PSMG2: variants seen among roughly 807,000 people sequenced by gnomAD.
PSMG2 encodes the protein CD40 ligand-activated specific transcript 3.
A neutral mutation model predicts 31.5 loss-of-function variants in PSMG2; 21 were observed. That is an observed-to-expected ratio of 0.67 (90% CI 0.47 to 0.96). The LOEUF (loss-of-function observed/expected upper bound fraction) is 0.96, where lower values mean the gene tolerates loss of function less well. PSMG2 is among the 40% of genes least tolerant of loss of function. The pLI is 0.00. For missense variants in PSMG2, 318 were observed against 321.2 expected (o/e 0.99, Z 0.08); for synonymous variants, 120 against 110.4 (o/e 1.09, Z -0.54).
intron 1 of PSMG2, chr18:12,672,758 A>G (rs2038980420): frequency 1.0e-6 from 1 of 975,526 alleles, no homozygotes; most frequent in Non-Finnish European, 1.2e-6. Flanking sequence ...ATGTACTTTC[A>G]TATGAGGTTA....
At chr18:12,709,944 C>G in intron 2 of PSMG2, among the ~76,000 whole-genome samples, 1 of 132,226 alleles carries the variant, frequency 7.6e-6, no homozygotes, top group African/African-American at 2.8e-5. Context: ...CCCTCATAAA[C>G]TTTTTTTTTT....
At chr18:12,687,118 A>G (rs1260240260) in intron 1 of PSMG2, among the ~76,000 whole-genome samples, 5 of 152,122 alleles carry the variant, frequency 3.3e-5, no homozygotes, top group Admixed American at 1.3e-4. Context: ...AAAGTCCACA[A>G]TCTCTTTACC....
intron 1 of PSMG2, chr18:12,680,931 G>T: frequency 9.3e-7 from 1 of 1,072,518 alleles, no homozygotes; most frequent in Non-Finnish European, 1.3e-6. Flanking sequence ...GGGCACAGTG[G>T]CTCACGCCTG....
upstream of PSMG2, among the ~76,000 whole-genome samples, chr18:12,698,375 G>C (rs939060561): frequency 2.0e-5 from 3 of 152,066 alleles, no homozygotes; most frequent in Non-Finnish European, 2.9e-5. Flanking sequence ...CGACATGTTG[G>C]CTAGGCTGGT....
chr18:12,682,820 T>A (rs2145027818), intron 1 of PSMG2, among the ~76,000 whole-genome samples: 1 of 151,026 alleles, frequency 6.6e-6, no homozygotes, highest in Admixed American at 6.6e-5. Flanking sequence ...GAGAGTTTCA[T>A]CATGTTGGCC....
intron 1 of PSMG2, chr18:12,691,416 T>C: frequency 6.2e-7 from 1 of 1,608,124 alleles, no homozygotes; most frequent in South Asian, 1.1e-5. Flanking sequence ...GCAAATATTC[T>C]CTCCACCACT....
chr18:12,664,698 CTTTTT>C (rs76222169), intron 1 of PSMG2, among the ~76,000 whole-genome samples: 94 of 137,610 alleles, frequency 6.8e-4, no homozygotes, highest in Non-Finnish European at 1.3e-3. Context: ...TTGTCCTGAT[CTTTTT>C]TTTTTTTTTT....
intron 1 of PSMG2, among the ~76,000 whole-genome samples, chr18:12,683,744 T>A (rs1244015036): frequency 6.6e-6 from 1 of 151,236 alleles, no homozygotes; most frequent in Admixed American, 6.6e-5. Flanking sequence ...AGAGGAAAAC[T>A]CTGTCTCATT....
intron 1 of PSMG2, chr18:12,670,548 A>G (rs181035452): frequency 6.6e-6 from 1 of 152,332 alleles, no homozygotes; most frequent in African/African-American, 2.4e-5. Flanking sequence ...TGATCTTAAT[A>G]TAGTCTGTCT....
At chr18:12,716,134 C>T (rs1320844286) in intron 3 of PSMG2, among the ~76,000 whole-genome samples, 2 of 152,160 alleles carry the variant, frequency 1.3e-5, no homozygotes, top group East Asian at 3.8e-4. Flanking sequence ...ATAATTTTTC[C>T]ATGGTACTTT....
chr18:12,709,616 A>G (rs1309907423), intron 2 of PSMG2, among the ~76,000 whole-genome samples: 1 of 151,604 alleles, frequency 6.6e-6, no homozygotes, highest in Non-Finnish European at 1.5e-5. Flanking sequence ...CTCTTGCCTC[A>G]GCCTCTGGAG....
At chr18:12,709,059 G>GT (rs2040300839) in intron 2 of PSMG2, among the ~76,000 whole-genome samples, 1 of 144,964 alleles carries the variant, frequency 6.9e-6, no homozygotes, top group African/African-American at 2.6e-5. Flanking sequence ...TATTTTGGGT[G>GT]TTTTTTGAGA....
intron 2 of PSMG2, among the ~76,000 whole-genome samples, chr18:12,712,169 A>G (rs948064920): frequency 3.3e-5 from 5 of 152,178 alleles, no homozygotes; most frequent in Non-Finnish European, 7.3e-5. Context: ...AAAAATACAA[A>G]CACATTGACT....
At chr18:12,674,633 C>A in intron 1 of PSMG2, 6 of 1,613,938 alleles carry the variant, frequency 3.7e-6, no homozygotes, top group Non-Finnish European at 5.1e-6. Flanking sequence ...CTTCTTATGG[C>A]ATCTTGAAAT....
chr18:12,692,483 G>A lies in PSMG2; in HGVS notation c.-36-14067G>A, dbSNP rs192574603. ...ACAGGGCTTTCGGTCCTCCATAGGGGCTTTTGTTCTAGGCTGTTCCCAGTG... is the reference window on the plus strand; with the variant it reads ...ACAGGGCTTTCGGTCCTCCATAGGGACTTTTGTTCTAGGCTGTTCCCAGTG... On this transcript the variant is annotated intron_variant, in intron 1 of 6. Transcript: ENST00000585331. 1.2e-3 allele frequency among the ~76,000 whole-genome samples: 182 copies of A among 152,140 alleles called. 2 individuals carry two copies. Among genetic ancestry groups the A allele is most frequent in the African/African-American group, 3.9e-3 (162 of 41,494 alleles).
At chr18:12,702,897 C>G (rs929404508), upstream of PSMG2, 2 of 584,936 alleles carry the variant, frequency 3.4e-6, no homozygotes, top group Admixed American at 3.5e-5. Flanking sequence ...TCTCCGAAAG[C>G]GCTGCTGGCC....
chr18:12,724,233 C>T (rs1283633784), intron 5 of PSMG2: 5 of 347,218 alleles, frequency 1.4e-5, no homozygotes, highest in Non-Finnish European at 2.6e-5. Context: ...ACCTTATCTG[C>T]TGTAGCCAAG....
intron 1 of PSMG2, chr18:12,678,090 C>G (rs921466436): frequency 3.8e-6 from 6 of 1,577,678 alleles, no homozygotes; most frequent in African/African-American, 1.4e-5. Flanking sequence ...GAAACTACAA[C>G]TATTTCAGTG....
chr18:12,699,096 T>C (rs1307681691), upstream of PSMG2: 3 of 1,614,104 alleles, frequency 1.9e-6, no homozygotes, highest in Non-Finnish European at 2.5e-6. Context: ...AAAGTAAACG[T>C]TGAACAAACT....
Sources: gnomAD v4.1 joint callset for allele counts (sites outside exome capture counted in the v4.1 genomes callset) on GRCh38, gnomAD v4.1.1 for gene constraint, MANE v1.5 for transcripts, NCBI Gene and HGNC (gene_info 2026-07-23, HGNC 2026-07-21) for gene names.